FAM81B: variants seen among roughly 807,000 people sequenced by gnomAD.
The protein encoded by FAM81B is protein FAM81B.
A neutral mutation model predicts 58.7 loss-of-function variants in FAM81B; 60 were observed. The ratio of observed to expected loss-of-function variants is 1.02; its 90% CI spans 0.83 to 1.27. The LOEUF (loss-of-function observed/expected upper bound fraction) is 1.27, where lower values mean the gene tolerates loss of function less well. Ranked by LOEUF, FAM81B falls within the 50% of genes most tolerant of loss-of-function variation. The pLI, the probability that FAM81B is intolerant of heterozygous loss-of-function variation, is 0.00. For missense variants in FAM81B, 491 were observed against 522.0 expected (o/e 0.94, Z 0.58); for synonymous variants, 189 against 179.6 (o/e 1.05, Z -0.42).
At chr5:95,426,683 C>T (rs1247832518) in intron 5 of FAM81B, among the ~76,000 whole-genome samples, 2 of 152,148 alleles carry the variant, frequency 1.3e-5, no homozygotes, top group African/African-American at 2.4e-5. Context: ...AGTTGTACAA[C>T]TGTATGCAGT....
At chr5:95,422,424 C>T (rs1206170160) in intron 5 of FAM81B, among the ~76,000 whole-genome samples, 2 of 151,836 alleles carry the variant, frequency 1.3e-5, no homozygotes, top group Admixed American at 6.6e-5. Context: ...TCAGCAAACC[C>T]ACAACCCTAT....
At chr5:95,391,637 G>A in intron 1 of FAM81B, 124 bp downstream of exon 1, 1 of 1,058,118 alleles carries the variant, frequency 9.5e-7, no homozygotes, top group Non-Finnish European at 1.3e-6. Context: ...GGGCACAACA[G>A]AGTAATAACT....
chr5:95,436,743 T>C, intron 6 of FAM81B, 57 bp from the exon 7 acceptor site: 1 of 1,091,152 alleles, frequency 9.2e-7, no homozygotes, highest in South Asian at 1.3e-5. Flanking sequence ...TAAAGTATAT[T>C]AATGTGAATG....
At chr5:95,448,028 C>A (rs1186771716) in intron 8 of FAM81B, among the ~76,000 whole-genome samples, 1 of 152,102 alleles carries the variant, frequency 6.6e-6, no homozygotes, top group African/African-American at 2.4e-5. Context: ...ATTCTCAAGG[C>A]ATTTGGGCCA....
chr5:95,431,292 T>C (rs1208006209), intron 6 of FAM81B, among the ~76,000 whole-genome samples: 1 of 152,092 alleles, frequency 6.6e-6, no homozygotes, highest in Non-Finnish European at 1.5e-5. Context: ...TTTCATGGCT[T>C]TGTTGTTTAC....
At chr5:95,431,315 C>T (rs996995549) in intron 6 of FAM81B, among the ~76,000 whole-genome samples, 14 of 152,032 alleles carry the variant, frequency 9.2e-5, no homozygotes, top group Admixed American at 6.6e-4. Context: ...TTAAATCCTT[C>T]GTCCATTTGT....
rs1245820502 is a variant in FAM81B at position 95,446,686 on chromosome 5, C to T, written c.1018C>T (p.Gln340Ter). 5 of 1,611,370 alleles carry T rather than the reference C, an allele frequency of 3.1e-6. No homozygotes were observed. The highest frequency in any genetic ancestry group is 2.2e-5 in the South Asian group (2 of 90,016). Residue 340 changes from glutamine to a stop codon, truncating the protein, a stop_gained, in exon 8 of 10, where the codon CAG becomes TAG. Transcript: ENST00000283357. LOFTEE classifies it high-confidence loss of function. Reference protein sequence around the residue: ...GHINECLKVLQEKLEKSENKM... With the variant: ...GHINECLKVL ...TATAAATGAATGTCTGAAGGTCCTA[C>T]AGGAGAAACTGGTGAGGAGTTCTGT... is the stretch of plus-strand genomic sequence containing the variant.
chr5:95,433,420 G>T (rs764497274), intron 6 of FAM81B, among the ~76,000 whole-genome samples: 1 of 152,012 alleles, frequency 6.6e-6, no homozygotes, highest in Admixed American at 6.6e-5. Flanking sequence ...TACCTCCCAC[G>T]GGGTCCTTCT....
At chr5:95,429,371 T>A (rs576255288) in intron 6 of FAM81B, among the ~76,000 whole-genome samples, 1 of 152,322 alleles carries the variant, frequency 6.6e-6, no homozygotes, top group African/African-American at 2.4e-5. Flanking sequence ...TGGAGCCCAA[T>A]GCAAAGTTTT....
chr5:95,439,249 T>TATATATATATATATATATATAC (rs1745225561), intron 7 of FAM81B, among the ~76,000 whole-genome samples: 1 of 140,698 alleles, frequency 7.1e-6, no homozygotes, highest in Non-Finnish European at 1.5e-5. Context: ...TATATATATA[T>TATATATATATATATATATATAC]ATATATATAT....
chr5:95,426,125 T>TATATACAC (rs781083080), intron 5 of FAM81B, among the ~76,000 whole-genome samples: 5 of 94,306 alleles, frequency 5.3e-5, no homozygotes, highest in Non-Finnish European at 1.1e-4. Context: ...TATATATATG[T>TATATACAC]ACACATATAT....
At chr5:95,391,593 A>C in intron 1 of FAM81B, 80 bp downstream of exon 1, 1 of 1,456,102 alleles carries the variant, frequency 6.9e-7, no homozygotes, top group East Asian at 2.3e-5. Context: ...TATAAACAAA[A>C]TAATGAATCC....
intron 5 of FAM81B, 97 bp from the exon 6 acceptor site, chr5:95,428,506 T>G (rs1561306670): frequency 6.9e-7 from 1 of 1,444,586 alleles, no homozygotes; most frequent in East Asian, 2.3e-5. Context: ...CAAATGACTT[T>G]AGAACTTTGG....
At chr5:95,450,039 G>T (rs571526499) in intron 9 of FAM81B, 110 bp from the exon 10 acceptor site, 6 of 1,221,292 alleles carry the variant, frequency 4.9e-6, no homozygotes, top group Non-Finnish European at 6.7e-6. Context: ...AATTTAATGC[G>T]CTTGGAATTA....
chr5:95,391,911 T>C (rs1306980291), intron 1 of FAM81B, among the ~76,000 whole-genome samples: 1 of 152,166 alleles, frequency 6.6e-6, no homozygotes, highest in African/African-American at 2.4e-5. Flanking sequence ...GGTGGGAGTG[T>C]AAATTAGTTC....
intron 5 of FAM81B, among the ~76,000 whole-genome samples, chr5:95,422,720 T>C (rs1038963660): frequency 1.5e-4 from 23 of 152,226 alleles, no homozygotes; most frequent in African/African-American, 5.5e-4. Flanking sequence ...TCCTACCAAC[T>C]ATTTCTTTCT....
At chr5:95,414,699 C>T (rs533837611) in intron 4 of FAM81B, among the ~76,000 whole-genome samples, 1 of 152,326 alleles carries the variant, frequency 6.6e-6, no homozygotes, top group Admixed American at 6.5e-5. Flanking sequence ...TCATAATTCA[C>T]TCTGGCTGGA....
rs370714710 is a variant in FAM81B at position 95,406,955 on chromosome 5, G to T, written c.294-6992G>T. Reference sequence around the variant, plus strand: ...CTCAATTCTGTATTGCTTGCTGAAAGCTTTATTTTCCCAGGAGGCTGAAGC... The same window carrying T: ...CTCAATTCTGTATTGCTTGCTGAAATCTTTATTTTCCCAGGAGGCTGAAGC... On this transcript the variant is annotated intron_variant, in intron 3 of 9. Transcript: ENST00000283357. Among the ~76,000 whole-genome samples, 103 of 152,058 alleles carry T rather than the reference G, an allele frequency of 6.8e-4. 1 individual carries two copies. The highest frequency in any genetic ancestry group is 2.2e-3 in the African/African-American group (91 of 41,400).
intron 7 of FAM81B, among the ~76,000 whole-genome samples, chr5:95,444,624 A>G (rs1745486168): frequency 6.6e-6 from 1 of 152,204 alleles, no homozygotes; most frequent in South Asian, 2.1e-4. Context: ...GAACACGAAT[A>G]GAAACCAACT....
Sources: allele counts gnomAD v4.1 joint callset (sites outside exome capture counted in the v4.1 genomes callset), GRCh38; gene constraint gnomAD v4.1.1; transcripts MANE v1.5; gene names NCBI Gene and HGNC (gene_info 2026-07-23, HGNC 2026-07-21).